The following VDAC2 variants were observed in gnomAD, a reference collection of about 807,000 sequenced individuals.
VDAC2 encodes the protein voltage dependent anion channel 2, also known as non-selective voltage-gated ion channel VDAC2.
In VDAC2, 6 loss-of-function variants were observed where a neutral mutation model predicts 36.6. The ratio of observed to expected loss-of-function variants is 0.16; its 90% CI spans 0.09 to 0.32. The LOEUF is 0.32. Among genes scored for constraint, VDAC2 ranks in the 10% least tolerant of loss-of-function variants. The pLI, the probability that VDAC2 is intolerant of heterozygous loss-of-function variation, is 1.00. For missense variants in VDAC2, 247 were observed against 346.0 expected, an observed-to-expected ratio of 0.71 and a Z score of 2.27; for synonymous variants, 109 against 123.8, an observed-to-expected ratio of 0.88 and a Z score of 0.79.
At chr10:75,213,306 C>T (rs1443588354) in intron 3 of VDAC2, among the ~76,000 whole-genome samples, 1 of 152,074 alleles carries the variant, frequency 6.6e-6, no homozygotes, top group East Asian at 1.9e-4. Context: ...TTTTGAACTC[C>T]TGATCTCAAG....
chr10:75,231,434 A>G lies in VDAC2; in HGVS notation c.*445A>G, dbSNP rs1842096700. On this transcript the variant is annotated 3_prime_UTR_variant, in exon 10 of 10. Transcript: ENST00000332211. ...CCAGAACATGACAAATTATGAATAA[A>G]ACAAGTATACATAATTAATGGCTCC... is the stretch of plus-strand genomic sequence containing the variant. The G allele has an allele frequency of 1.3e-5, 2 of 153,650 alleles. No individual in the cohort carries two copies. Among genetic ancestry groups the G allele is most frequent in the African/African-American group, 4.8e-5 (2 of 41,472 alleles). The allele number at this position is 153,650 out of a possible 1,614,324, so 9.5% of individuals were successfully genotyped here.
At chr10:75,217,579 T>C (rs1564711208) in intron 4 of VDAC2, among the ~76,000 whole-genome samples, 1 of 152,098 alleles carries the variant, frequency 6.6e-6, no homozygotes, top group African/African-American at 2.4e-5. Context: ...GGTTTCACCA[T>C]GTTGGCTAGG....
intron 4 of VDAC2, chr10:75,218,291 G>A (rs972848157): frequency 3.2e-5 from 5 of 154,790 alleles, no homozygotes; most frequent in Non-Finnish European, 7.2e-5. Flanking sequence ...GAGTAGCTGG[G>A]ACTACAGGCG....
At chr10:75,217,389 T>C (rs1184689735) in intron 4 of VDAC2, among the ~76,000 whole-genome samples, 1 of 152,152 alleles carries the variant, frequency 6.6e-6, no homozygotes, top group African/African-American at 2.4e-5. Flanking sequence ...TTTTGTTTAA[T>C]TGGAAATGGA....
chr10:75,217,783 TC>T (rs1027931223), intron 4 of VDAC2: 1 of 603,044 alleles, frequency 1.7e-6, no homozygotes, highest in African/African-American at 1.9e-5. Context: ...TAAGGATTTG[TC>T]TCTAACAGCA....
intron 9 of VDAC2, 124 bp downstream of exon 9, chr10:75,229,825 G>A (rs760601891): frequency 6.2e-5 from 40 of 648,984 alleles, no homozygotes; most frequent in Middle Eastern, 4.7e-4. Context: ...CAATAAATAC[G>A]TGTTTACCTT....
chr10:75,216,939 T>C (rs986846460), intron 4 of VDAC2, among the ~76,000 whole-genome samples: 1 of 152,166 alleles, frequency 6.6e-6, no homozygotes, highest in Non-Finnish European at 1.5e-5. Context: ...TTTGTAATTA[T>C]AGTTGCAGAA....
chr10:75,221,981 T>TA (rs1292285160), intron 7 of VDAC2, among the ~76,000 whole-genome samples: 1 of 152,234 alleles, frequency 6.6e-6, no homozygotes, highest in African/African-American at 2.4e-5. Flanking sequence ...ATATATAAAA[T>TA]ACGTAACCAA....
chr10:75,229,574 G>T, intron 8 of VDAC2, 70 bp from the exon 9 acceptor site: 1 of 1,209,924 alleles, frequency 8.3e-7, no homozygotes, highest in Non-Finnish European at 1.2e-6. Flanking sequence ...ATTACATGAT[G>T]GGGAAACATG....
chr10:75,229,943 CTA>C (rs1029318999), intron 9 of VDAC2, among the ~76,000 whole-genome samples: 9 of 151,522 alleles, frequency 5.9e-5, no homozygotes, highest in Admixed American at 4.6e-4. Flanking sequence ...TTCTGCATAA[CTA>C]TAATACTATC....
At chr10:75,211,023 C>T in intron 1 of VDAC2, 85 bp downstream of exon 1, 1 of 1,063,884 alleles carries the variant, frequency 9.4e-7, no homozygotes. Context: ...CGGAGTCGGC[C>T]CTGGCTTCCT....
chr10:75,227,577 ATTTTTTTTTT>A lies in VDAC2; in HGVS notation c.736-2055_736-2046del, dbSNP rs35378957. On this transcript the variant is annotated intron_variant, in intron 8 of 9. Transcript: ENST00000332211. ...TAACTCTTACTGTTAAATAATAGGA[ATTTTTTTTTT>A]TTTTTTTTTTTGGAGACAGAGTCTC... Among the ~76,000 whole-genome samples, 33 of 99,928 alleles carry A rather than the reference ATTTTTTTTTT, an allele frequency of 3.3e-4. 1 individual carries two copies. Among genetic ancestry groups the A allele is most frequent in the Non-Finnish European group, 4.3e-4 (24 of 55,728 alleles). 65.6% of individuals were successfully genotyped at this position (99,928 alleles called of 152,430 possible).
At position 75,230,993 on chromosome 10, in the gene VDAC2, A is replaced by C. The variant is rs1407593475; in HGVS notation, c.*4A>C. On this transcript the variant is annotated 3_prime_UTR_variant, in exon 10 of 10. Transcript: ENST00000332211. The stretch of plus-strand genomic sequence containing the variant: ...CGCCCTGGAGTTGGAGGCTTAATCC[A>C]GCTGAAAGAAACCTTTGGGAATGGA... The C allele has an allele frequency of 6.2e-7, 1 of 1,607,608 alleles. No homozygotes were observed. The highest frequency in any genetic ancestry group is 8.5e-7 in the Non-Finnish European group (1 of 1,176,732).
At chr10:75,211,007 C>T (rs1232803395) in intron 1 of VDAC2, 69 bp downstream of exon 1, 25 of 879,982 alleles carry the variant, frequency 2.8e-5, no homozygotes, top group Non-Finnish European at 3.9e-5. Context: ...AGGCCCGCGC[C>T]GGACTCGGAG....
intron 2 of VDAC2, 96 bp from the exon 3 acceptor site, chr10:75,212,134 C>A: frequency 9.0e-7 from 1 of 1,107,964 alleles, no homozygotes; most frequent in Non-Finnish European, 1.3e-6. Flanking sequence ...AATGGGATTG[C>A]TTGAATTTTA....
chr10:75,220,251 A>G (rs1841771461), intron 6 of VDAC2, among the ~76,000 whole-genome samples: 1 of 152,064 alleles, frequency 6.6e-6, no homozygotes, highest in Admixed American at 6.6e-5. Context: ...GATTACAGGC[A>G]TATGCCACCG....
rs1172004112 is a variant in VDAC2, at chr10:75,230,894, A to G, written c.794-4A>G. 2 of 1,611,638 alleles carry G rather than the reference A, an allele frequency of 1.2e-6. No homozygotes were observed. The highest frequency in any genetic ancestry group is 1.7e-5 in the Admixed American group (1 of 59,548). On this transcript the variant is annotated splice_polypyrimidine_tract_variant and splice_region_variant and intron_variant, in intron 9 of 9. Transcript: ENST00000332211. The stretch of plus-strand genomic sequence containing the variant: ...TTTGTTTTTGTGTTTTTTTGTCTTA[A>G]TAGGTGTGAAGCTTACACTCTCTGC...
Position 75,231,311 on chromosome 10 carries a change from A to G in VDAC2, c.*322A>G. 1 of 190,558 alleles carries G rather than the reference A, an allele frequency of 5.2e-6. No individual in the cohort carries two copies. The highest frequency in any genetic ancestry group is 1.1e-5 in the Non-Finnish European group (1 of 91,364). 11.8% of individuals were successfully genotyped at this position (190,558 alleles called of 1,614,324 possible). On this transcript the variant is annotated 3_prime_UTR_variant, in exon 10 of 10. Transcript: ENST00000332211. ...TGCATGTTTGTTTTTATGTTCCTTT[A>G]GAAAACATTGACTGTTACCATTGAA...
At chr10:75,230,256 C>T (rs188485608) in intron 9 of VDAC2, among the ~76,000 whole-genome samples, 3 of 152,020 alleles carry the variant, frequency 2.0e-5, no homozygotes, top group Admixed American at 2.0e-4. Context: ...GATTTTGAAA[C>T]CTAAAGAAAA....
Sources: gnomAD v4.1 joint callset for allele counts (sites outside exome capture counted in the v4.1 genomes callset) on GRCh38, gnomAD v4.1.1 for gene constraint, MANE v1.5 for transcripts, NCBI Gene and HGNC (gene_info 2026-07-23, HGNC 2026-07-21) for gene names.